Variants in SDC2 observed in about 807,000 individuals in gnomAD.
SDC2 encodes the protein syndecan 2, also known as syndecan-2.
In SDC2, 13 loss-of-function variants were observed where a neutral mutation model predicts 22.2. The observed-to-expected ratio is 0.59, with a 90% CI of 0.38 to 0.93. The LOEUF (loss-of-function observed/expected upper bound fraction) is 0.93, where lower values mean the gene tolerates loss of function less well. SDC2 is among the 40% of genes least tolerant of loss of function. SDC2 has a pLI of 0.00. For missense variants in SDC2, 235 were observed against 246.8 expected, an observed-to-expected ratio of 0.95 and a Z score of 0.32; for synonymous variants, 94 against 92.8, an observed-to-expected ratio of 1.01 and a Z score of -0.07.
At chr8:96,546,038 C>T (rs558863711) in intron 1 of SDC2, among the ~76,000 whole-genome samples, 1 of 152,278 alleles carries the variant, frequency 6.6e-6, no homozygotes, top group South Asian at 2.1e-4. Context: ...AGGTATAGAC[C>T]GCTGACAAAG....
intron 1 of SDC2, among the ~76,000 whole-genome samples, chr8:96,498,615 C>T (rs1183657994): frequency 6.6e-6 from 1 of 152,038 alleles, no homozygotes; most frequent in Non-Finnish European, 1.5e-5. Flanking sequence ...CTCAGCCTCC[C>T]GAGTAGCTGG....
At chr8:96,571,160 C>T (rs1814387719) in intron 1 of SDC2, among the ~76,000 whole-genome samples, 1 of 152,174 alleles carries the variant, frequency 6.6e-6, no homozygotes, top group Admixed American at 6.5e-5. Context: ...ACGTGGCTTG[C>T]GTCATACTTC....
At chr8:96,535,673 G>T (rs1466438067) in intron 1 of SDC2, among the ~76,000 whole-genome samples, 1 of 152,192 alleles carries the variant, frequency 6.6e-6, no homozygotes, top group Non-Finnish European at 1.5e-5. Context: ...TGAGGTGTCT[G>T]TATTTTGGGC....
At chr8:96,578,924 A>C (rs1009323953) in intron 1 of SDC2, among the ~76,000 whole-genome samples, 6 of 152,256 alleles carry the variant, frequency 3.9e-5, no homozygotes, top group African/African-American at 1.4e-4. Context: ...CCATTTCCTC[A>C]GTAAACTCCT....
At chr8:96,550,049 A>T (rs1586294507) in intron 1 of SDC2, among the ~76,000 whole-genome samples, 1 of 152,184 alleles carries the variant, frequency 6.6e-6, no homozygotes, top group African/African-American at 2.4e-5. Flanking sequence ...GACAGCATAG[A>T]TGGGTCTCTT....
chr8:96,521,409 A>G (rs1813495317), intron 1 of SDC2, among the ~76,000 whole-genome samples: 1 of 152,184 alleles, frequency 6.6e-6, no homozygotes, highest in South Asian at 2.1e-4. Flanking sequence ...GCTCGGATCT[A>G]GGGAGACTGC....
intron 1 of SDC2, among the ~76,000 whole-genome samples, chr8:96,547,907 G>T (rs180938957): frequency 1.3e-5 from 2 of 151,618 alleles, no homozygotes; most frequent in African/African-American, 4.8e-5. Context: ...AACTACAGGC[G>T]CACACCACCA....
chr8:96,564,947 A>G (rs917687337), intron 1 of SDC2, among the ~76,000 whole-genome samples: 13 of 152,094 alleles, frequency 8.5e-5, no homozygotes, highest in African/African-American at 1.7e-4. Context: ...ATAAACTTTG[A>G]TAAGTTAGCA....
intron 1 of SDC2, among the ~76,000 whole-genome samples, chr8:96,574,901 G>A (rs1427376341): frequency 6.6e-6 from 1 of 152,178 alleles, no homozygotes; most frequent in Admixed American, 6.5e-5. Flanking sequence ...GGGCAGGGGT[G>A]GGGGATGGTT....
intron 1 of SDC2, among the ~76,000 whole-genome samples, chr8:96,590,263 T>C (rs1178129990): frequency 6.6e-6 from 1 of 152,220 alleles, no homozygotes; most frequent in Non-Finnish European, 1.5e-5. Context: ...CTCACAGCGA[T>C]GGTCAGTCCC....
At chr8:96,512,933 T>C (rs1486625017) in intron 1 of SDC2, among the ~76,000 whole-genome samples, 1 of 152,194 alleles carries the variant, frequency 6.6e-6, no homozygotes, top group African/African-American at 2.4e-5. Context: ...GTTGGAGAGA[T>C]GATGAATTGA....
chr8:96,528,725 T>C (rs2589211), intron 1 of SDC2, among the ~76,000 whole-genome samples: 30,176 of 152,150 alleles, frequency 0.2, 3,364 homozygotes, highest in African/African-American at 0.3. Context: ...GTCTGTAATT[T>C]ACTATTGTTA....
chr8:96,598,922 T>C (rs1223870697), intron 2 of SDC2, among the ~76,000 whole-genome samples: 1 of 151,502 alleles, frequency 6.6e-6, no homozygotes, highest in Non-Finnish European at 1.5e-5. Flanking sequence ...CTGAGACAGA[T>C]TGCCCATCTG....
chr8:96,566,364 A>G (rs999958130), intron 1 of SDC2, among the ~76,000 whole-genome samples: 4 of 152,224 alleles, frequency 2.6e-5, no homozygotes, highest in Admixed American at 6.5e-5. Context: ...TCCTAATGCT[A>G]TGGAGTTATA....
chr8:96,551,448 A>G (rs1275222790), intron 1 of SDC2, among the ~76,000 whole-genome samples: 7 of 152,278 alleles, frequency 4.6e-5, no homozygotes. Context: ...ATTTTAAGTC[A>G]TTGAATCCTC....
At chr8:96,496,157 T>G (rs1180682527) in intron 1 of SDC2, among the ~76,000 whole-genome samples, 1 of 152,204 alleles carries the variant, frequency 6.6e-6, no homozygotes, top group Non-Finnish European at 1.5e-5. Flanking sequence ...TGTTACTGTT[T>G]TGGGATTCTG....
chr8:96,528,678 T>C (rs2130477655), intron 1 of SDC2, among the ~76,000 whole-genome samples: 1 of 152,344 alleles, frequency 6.6e-6, no homozygotes, highest in Admixed American at 6.5e-5. Flanking sequence ...TTAAACAACC[T>C]TTTAGTCTTT....
At chr8:96,504,583 A>G (rs1586268138) in intron 1 of SDC2, among the ~76,000 whole-genome samples, 1 of 152,344 alleles carries the variant, frequency 6.6e-6, no homozygotes, top group East Asian at 1.9e-4. Flanking sequence ...AATGACTAAA[A>G]TCTTCTAACA....
intron 1 of SDC2, among the ~76,000 whole-genome samples, chr8:96,566,296 A>T (rs1814298237): frequency 1.3e-5 from 2 of 152,252 alleles, no homozygotes; most frequent in Admixed American, 1.3e-4. Context: ...GAACTGAAAC[A>T]CTTAAACTCT....
Sources: allele counts gnomAD v4.1 joint callset (sites outside exome capture counted in the v4.1 genomes callset), GRCh38; gene constraint gnomAD v4.1.1; transcripts MANE v1.5; gene names NCBI Gene and HGNC (gene_info 2026-07-23, HGNC 2026-07-21).